DZIP1L: variants seen among roughly 807,000 people sequenced by gnomAD.
DZIP1L encodes the protein DAZ interacting zinc finger protein 1 like.
A neutral mutation model predicts 88.7 loss-of-function variants in DZIP1L; 90 were observed. The ratio of observed to expected loss-of-function variants is 1.02; its 90% CI spans 0.86 to 1.21. The LOEUF (loss-of-function observed/expected upper bound fraction) is 1.21. Ranked by LOEUF, DZIP1L falls within the 50% of genes most tolerant of loss-of-function variation. The probability of loss-of-function intolerance (pLI) is 0.00; values close to 1 mark genes in which losing one functional copy is unlikely to be tolerated. For synonymous variants in DZIP1L, 363 were observed against 372.1 expected (o/e 0.98, Z 0.28); for missense variants, 932 against 955.8 (o/e 0.98, Z 0.33).
At position 138,063,693 on chromosome 3, in the gene DZIP1L, C is replaced by A. The variant is rs1448510068; in HGVS notation, c.2143-716G>T. Among the ~76,000 whole-genome samples the A allele has an allele frequency of 6.6e-6, 1 of 152,248 alleles. No individual in the cohort carries two copies. The highest frequency in any genetic ancestry group is 1.5e-5 in the Non-Finnish European group (1 of 68,036). On this transcript the variant is annotated intron_variant, in intron 15 of 15. Coordinates refer to ENST00000327532, the MANE Select transcript of DZIP1L (RefSeq NM_173543.3). This position sits in a 1 kb window ranked among gnomAD's most constrained non-coding sequence, Gnocchi z 4.1. Reference sequence around the variant, plus strand: ...CAGGGTGCAGGGCAGCAAGCATGCTCTGAGCGGCGCCTCAATCTGTTTGGG... The same window carrying A: ...CAGGGTGCAGGGCAGCAAGCATGCTATGAGCGGCGCCTCAATCTGTTTGGG...
At position 138,088,460 on chromosome 3, in the gene DZIP1L, T is replaced by C; in HGVS notation, c.918A>G (p.Gly306=). The change falls in exon 6 of 16, where the codon GGA becomes GGG. Residue 306 remains glycine, a synonymous_variant. Coordinates refer to ENST00000327532, the MANE Select transcript of DZIP1L (RefSeq NM_173543.3). ...CCTCTGACTCCTCATCTCGCAGTGA[T>C]CCCAGCTTGGACTCCATCACACTGT... ...QSHSVMESKL[G]SLRDEESEEW... 6.2e-7 allele frequency: 1 copy of C among 1,614,050 alleles called. No homozygotes were observed. The highest frequency in any genetic ancestry group is 8.5e-7 in the Non-Finnish European group (1 of 1,179,970).
At chr3:138,106,535 A>G (rs1190898337) in intron 1 of DZIP1L, among the ~76,000 whole-genome samples, 1 of 144,464 alleles carries the variant, frequency 6.9e-6, no homozygotes, top group Non-Finnish European at 1.5e-5. Flanking sequence ...GAAGGCCTTT[A>G]AAAAATCGTA....
chr3:138,069,312 A>G, intron 12 of DZIP1L: 1 of 450,512 alleles, frequency 2.2e-6, no homozygotes, highest in Non-Finnish European at 4.0e-6. Flanking sequence ...TACAGCTTAT[A>G]ATTCATATAA....
intron 1 of DZIP1L, among the ~76,000 whole-genome samples, chr3:138,114,360 C>T (rs1187078632): frequency 6.6e-6 from 1 of 152,236 alleles, no homozygotes; most frequent in African/African-American, 2.4e-5. Flanking sequence ...CATACAACTT[C>T]ATGAGGTATT....
Position 138,068,345 on chromosome 3 carries a change from C to G in DZIP1L, c.1638G>C (p.Leu546=). The G allele has an allele frequency of 6.5e-7, 1 of 1,547,506 alleles. No individual in the cohort carries two copies. Among genetic ancestry groups the G allele is most frequent in the Non-Finnish European group, 8.7e-7 (1 of 1,144,358 alleles). Reference sequence around the variant, plus strand: ...TCTTTGGCTGGGCCTCTCTGGTGACCAGTGTGCTCTGCTGGCTTTTGACTG... The same window carrying G: ...TCTTTGGCTGGGCCTCTCTGGTGACGAGTGTGCTCTGCTGGCTTTTGACTG... The part of the protein sequence containing the change: ...QPSVKSQQST[L]VTREAQPKTR... The change falls in exon 13 of 16, where the codon CTG becomes CTC. Residue 546 remains leucine (L), a synonymous_variant. Coordinates refer to ENST00000327532, the MANE Select transcript of DZIP1L (RefSeq NM_173543.3).
intron 4 of DZIP1L, among the ~76,000 whole-genome samples, chr3:138,092,908 A>G (rs1352213462): frequency 2.0e-5 from 3 of 152,192 alleles, no homozygotes; most frequent in Non-Finnish European, 2.9e-5. Context: ...GGCTTCCTCC[A>G]CTGAAGTCTT....
chr3:138,104,272 C>T (rs145525061), intron 1 of DZIP1L, among the ~76,000 whole-genome samples: 1 of 152,346 alleles, frequency 6.6e-6, no homozygotes, highest in Non-Finnish European at 1.5e-5. Flanking sequence ...CAAGTCCCTG[C>T]ACATCTTTAA....
chr3:138,066,177 A>G (rs941963436), intron 14 of DZIP1L, among the ~76,000 whole-genome samples: 3 of 152,172 alleles, frequency 2.0e-5, no homozygotes, highest in African/African-American at 7.2e-5. Context: ...TTCACAATTG[A>G]GTTGTTGCAA....
chr3:138,075,233 A>G (rs907645801), intron 11 of DZIP1L, among the ~76,000 whole-genome samples: 17 of 152,264 alleles, frequency 1.1e-4, no homozygotes, highest in African/African-American at 2.9e-4. Flanking sequence ...CACTGACAGT[A>G]CTAGACAGGT....
chr3:138,064,860 G>C, intron 14 of DZIP1L, 93 bp from the exon 15 acceptor site: 1 of 1,498,188 alleles, frequency 6.7e-7, no homozygotes, highest in Non-Finnish European at 8.9e-7. Flanking sequence ...AGTGTGGATA[G>C]AGGGAATGAG....
At chr3:138,085,041 T>C (rs1943858691) in intron 7 of DZIP1L, among the ~76,000 whole-genome samples, 5 of 152,242 alleles carry the variant, frequency 3.3e-5, no homozygotes, top group Admixed American at 3.3e-4. Flanking sequence ...TGTAGCCTTG[T>C]AGTATAGTTT....
intron 3 of DZIP1L, 72 bp downstream of exon 3, chr3:138,097,691 A>G: frequency 7.0e-7 from 1 of 1,421,422 alleles, no homozygotes; most frequent in Non-Finnish European, 9.7e-7. Context: ...ATAGGTGGTC[A>G]CCACCCACTG....
Position 138,081,814 on chromosome 3 carries a change from A to G in DZIP1L, c.1204-50T>C, listed in dbSNP as rs2622711. On this transcript the variant is annotated intron_variant, in intron 8 of 15. Transcript: ENST00000327532. Reference sequence around the variant, plus strand: ...GTTACAACCAGCAGAGAACATTGTGAGAACTCTGCTTTGAGCAGTGTCTGC... The same window carrying G: ...GTTACAACCAGCAGAGAACATTGTGGGAACTCTGCTTTGAGCAGTGTCTGC... 0.7 allele frequency: 1,111,225 copies of G among 1,598,674 alleles called. 388,457 individuals are homozygous for G. Among genetic ancestry groups the G allele is most frequent in the Non-Finnish European group, 0.72 (838,314 of 1,170,756 alleles).
chr3:138,086,452 CT>C (rs963633100), intron 7 of DZIP1L, among the ~76,000 whole-genome samples: 2 of 152,088 alleles, frequency 1.3e-5, no homozygotes, highest in African/African-American at 4.8e-5. Flanking sequence ...AACTTGCCTC[CT>C]GCTCAGGACA....
In DZIP1L at chr3:138,094,954, C is replaced by G; in HGVS notation, c.616G>C (p.Glu206Gln). ...GCCCGTAGCTCTTCTAACACCTCTT[C>G]CACTGGCTGTTCCTGTTTCTTCTGT... ...GKQKKQEQPV[E>Q]EVLEELRAKL... Residue 206 changes from glutamate to glutamine, a missense_variant, in exon 4 of 16, where the codon GAA (glutamate) becomes CAA (glutamine). Glu to Gln is a conservative substitution (Grantham distance 29, BLOSUM62 2). Coordinates refer to ENST00000327532, the MANE Select transcript of DZIP1L (RefSeq NM_173543.3). 1 of 1,614,274 alleles carries G rather than the reference C, an allele frequency of 6.2e-7. No individual in the cohort carries two copies. Among genetic ancestry groups the G allele is most frequent in the Non-Finnish European group, 8.5e-7 (1 of 1,180,056 alleles).
chr3:138,073,153 C>T lies in DZIP1L; in HGVS notation c.1423-1318G>A, dbSNP rs540972272. Among the ~76,000 whole-genome samples the T allele has an allele frequency of 1.1e-4, 16 of 152,222 alleles. No homozygotes were observed. The South Asian group carries it at 3.3e-3, about 32-fold the overall frequency. On this transcript the variant is annotated intron_variant, in intron 11 of 15. Coordinates refer to ENST00000327532, the MANE Select transcript of DZIP1L (RefSeq NM_173543.3). ...ATGGCCCTGCCCACCGCCTGAGAAA[C>T]CTGAATACTTAACCAGGTGTCCCTA... is the stretch of plus-strand genomic sequence containing the variant.
chr3:138,101,761 T>C, intron 2 of DZIP1L: 1 of 1,010,314 alleles, frequency 9.9e-7, no homozygotes, highest in Non-Finnish European at 1.6e-6. Flanking sequence ...CAGCTTCCTA[T>C]AGGTGGCGAT....
intron 12 of DZIP1L, among the ~76,000 whole-genome samples, chr3:138,070,474 A>AT (rs112498829): frequency 0.017 from 2,662 of 152,220 alleles, 77 homozygotes; most frequent in African/African-American, 0.061. Context: ...TCATCAATAC[A>AT]TTTTTTTACC....
At chr3:138,102,175 T>C in intron 2 of DZIP1L, 5 of 1,370,132 alleles carry the variant, frequency 3.6e-6, no homozygotes, top group Non-Finnish European at 5.2e-6. Flanking sequence ...CTGTTGTCCA[T>C]GGACAGCACC....
Sources: allele counts gnomAD v4.1 joint callset (sites outside exome capture counted in the v4.1 genomes callset), GRCh38; gene constraint gnomAD v4.1.1; non-coding constraint Gnocchi (gnomAD v3.1); transcripts MANE v1.5; gene names NCBI Gene and HGNC (gene_info 2026-07-23, HGNC 2026-07-21).